GRIN2A: variants seen among roughly 807,000 people sequenced by gnomAD.
The protein encoded by GRIN2A is glutamate ionotropic receptor NMDA type subunit 2A.
A neutral mutation model predicts 113.4 loss-of-function variants in GRIN2A; 22 were observed. That is an observed-to-expected ratio of 0.19 (90% CI 0.14 to 0.28). The LOEUF is 0.28. Ranked by LOEUF, GRIN2A falls within the 10% of genes least tolerant of loss-of-function variation. The pLI is 1.00. For synonymous variants in GRIN2A, 827 were observed against 738.4 expected, an observed-to-expected ratio of 1.12 and a Z score of -1.94; for missense variants, 1,502 against 1,887.0, an observed-to-expected ratio of 0.80 and a Z score of 3.78.
chr16:9,754,852 G>C lies in GRIN2A; in HGVS notation c.*8297C>G, dbSNP rs1264121309. The C allele has an allele frequency of 4.5e-6, 1 of 223,740 alleles. No individual in the cohort carries two copies. The highest frequency in any genetic ancestry group is 2.2e-5 in the African/African-American group (1 of 44,812). The allele number at this position is 223,740 out of a possible 1,614,324, so 13.9% of individuals were successfully genotyped here. A position where few individuals can be genotyped will look rare whatever the true frequency, so the allele number is the denominator to read the frequency against. ...CTTTGCTCAGTTATCAATAGTCTTT[G>C]ATTTGAGCCCTTTAAAACTTGAAAC... On this transcript the variant is annotated 3_prime_UTR_variant, in exon 13 of 13. Coordinates refer to ENST00000330684, the MANE Select transcript of GRIN2A (RefSeq NM_001134407.3).
In GRIN2A at chr16:10,044,141, C is replaced by T. The variant is rs934021869; in HGVS notation, c.415-105590G>A. Among the ~76,000 whole-genome samples, 14 of 151,492 alleles carry T rather than the reference C, an allele frequency of 9.2e-5. No homozygotes were observed. In the South Asian group the frequency reaches 2.9e-3, roughly 32 times the overall value. On this transcript the variant is annotated intron_variant, in intron 2 of 12. Coordinates refer to ENST00000330684, the MANE Select transcript of GRIN2A (RefSeq NM_001134407.3). Reference sequence around the variant, plus strand: ...CAATCTCGGCTCACTGCAACCTCTGCCTCCCAGGTCCCGGTTCAAGCAATT... The same window carrying T: ...CAATCTCGGCTCACTGCAACCTCTGTCTCCCAGGTCCCGGTTCAAGCAATT...
chr16:9,980,580 A>G (rs1461294034), intron 2 of GRIN2A, among the ~76,000 whole-genome samples: 1 of 152,150 alleles, frequency 6.6e-6, no homozygotes, highest in African/African-American at 2.4e-5. Flanking sequence ...AAGACTTGGA[A>G]CCAACCCAAA....
chr16:9,993,730 T>G (rs1381876288), intron 2 of GRIN2A, among the ~76,000 whole-genome samples: 1 of 152,188 alleles, frequency 6.6e-6, no homozygotes, highest in East Asian at 1.9e-4. Context: ...CCAAAAACTC[T>G]GTCAGAGAGA....
intron 2 of GRIN2A, among the ~76,000 whole-genome samples, chr16:9,984,248 G>T (rs547664436): frequency 1.8e-3 from 271 of 150,902 alleles, no homozygotes; most frequent in African/African-American, 5.2e-3. Flanking sequence ...TTGCTGTTGA[G>T]TTCCTTGTAT....
At chr16:9,859,237 A>G (rs1041533528) in intron 4 of GRIN2A, among the ~76,000 whole-genome samples, 4 of 151,880 alleles carry the variant, frequency 2.6e-5, no homozygotes, top group South Asian at 4.2e-4. Context: ...ATACCTACAC[A>G]TATTCACAAT....
intron 4 of GRIN2A, among the ~76,000 whole-genome samples, chr16:9,872,124 A>C (rs1396710861): frequency 6.6e-6 from 1 of 152,208 alleles, no homozygotes; most frequent in African/African-American, 2.4e-5. Context: ...AGTAGCTTTA[A>C]TATCCTCACA....
intron 2 of GRIN2A, among the ~76,000 whole-genome samples, chr16:9,984,536 G>A (rs72774030): frequency 0.029 from 4,403 of 152,282 alleles, 98 homozygotes; most frequent in Non-Finnish European, 0.044. Flanking sequence ...TATATGGTGA[G>A]AGATAGATGC....
rs2141134775 is a variant in GRIN2A at position 9,764,419 on chromosome 16, C to T, written c.3125G>A (p.Arg1042Lys). Residue 1042 changes from arginine (R) to lysine (K), a missense_variant, in exon 13 of 13, where the codon AGG becomes AAG. Around this residue, in one of 7 missense-constraint regions of GRIN2A, gnomAD observed 832 missense variants for 789.7 expected, o/e 1.05. Coordinates refer to ENST00000330684, the MANE Select transcript of GRIN2A (RefSeq NM_001134407.3). ...SQRDEATAEN[R>K]THSLKSPRYL... Reference sequence around the variant, plus strand: ...CCTAGGGCTCTTTAGGGAGTGGGTCCTATTCTCTGCTGTTGCCTCATCCCT... The same window carrying T: ...CCTAGGGCTCTTTAGGGAGTGGGTCTTATTCTCTGCTGTTGCCTCATCCCT... 6.2e-7 allele frequency: 1 copy of T among 1,614,028 alleles called. No homozygotes were observed. Among genetic ancestry groups the T allele is most frequent in the Non-Finnish European group, 8.5e-7 (1 of 1,179,952 alleles).
At chr16:10,020,060 C>G (rs181732058) in intron 2 of GRIN2A, among the ~76,000 whole-genome samples, 212 of 152,278 alleles carry the variant, frequency 1.4e-3, no homozygotes, top group African/African-American at 3.8e-3. Context: ...GAATACAAAC[C>G]ACTTTATTTG....
At chr16:10,022,525 A>C (rs1777121463) in intron 2 of GRIN2A, among the ~76,000 whole-genome samples, 1 of 152,182 alleles carries the variant, frequency 6.6e-6, no homozygotes, top group Non-Finnish European at 1.5e-5. Context: ...ACATCCCTAC[A>C]ACATTTCATA....
intron 2 of GRIN2A, among the ~76,000 whole-genome samples, chr16:10,020,635 C>A (rs979183628): frequency 6.6e-6 from 1 of 152,072 alleles, no homozygotes; most frequent in Non-Finnish European, 1.5e-5. Context: ...CTATACGATA[C>A]AAGGTTAATT....
chr16:9,945,977 G>T (rs2045008560), intron 2 of GRIN2A, among the ~76,000 whole-genome samples: 1 of 152,144 alleles, frequency 6.6e-6, no homozygotes, highest in Admixed American at 6.5e-5. Flanking sequence ...AGTCCACAAT[G>T]CCAGAGGAAA....
At chr16:9,954,334 T>A (rs1163981434) in intron 2 of GRIN2A, among the ~76,000 whole-genome samples, 1 of 152,168 alleles carries the variant, frequency 6.6e-6, no homozygotes, top group Non-Finnish European at 1.5e-5. Flanking sequence ...GAAAATTAGA[T>A]GTGCACATGG....
intron 2 of GRIN2A, among the ~76,000 whole-genome samples, chr16:10,070,616 G>A (rs1202619476): frequency 6.6e-6 from 1 of 152,144 alleles, no homozygotes; most frequent in African/African-American, 2.4e-5. Context: ...ATATTTATAA[G>A]GTTTCCCTTC....
At chr16:10,071,384 A>T (rs1344760529) in intron 2 of GRIN2A, among the ~76,000 whole-genome samples, 1 of 152,244 alleles carries the variant, frequency 6.6e-6, no homozygotes, top group South Asian at 2.1e-4. Flanking sequence ...CTGTACTCTT[A>T]AAACTGCAAT....
intron 11 of GRIN2A, among the ~76,000 whole-genome samples, chr16:9,777,786 G>A (rs1401592330): frequency 6.6e-6 from 1 of 152,214 alleles, no homozygotes; most frequent in Non-Finnish European, 1.5e-5. Context: ...AACTCTGGCC[G>A]GGTGCAGTGG....
chr16:10,050,794 C>A (rs2047345980), intron 2 of GRIN2A, among the ~76,000 whole-genome samples: 2 of 152,136 alleles, frequency 1.3e-5, no homozygotes, highest in South Asian at 4.1e-4. Flanking sequence ...AGATTGAGGA[C>A]CACTGCTGTA....
Position 9,887,026 on chromosome 16 carries a change from T to G in GRIN2A, c.1122+3960A>C, listed in dbSNP as rs538683864. On this transcript the variant is annotated intron_variant, in intron 4 of 12. Transcript: ENST00000330684. Reference sequence around the variant, plus strand: ...CCTCAGCCTCCTGAGTAGCTGGGATTACAGGCACCACCACCATGCCGGGCT... The same window carrying G: ...CCTCAGCCTCCTGAGTAGCTGGGATGACAGGCACCACCACCATGCCGGGCT... Among the ~76,000 whole-genome samples, 6 of 152,196 alleles carry G rather than the reference T, an allele frequency of 3.9e-5. No homozygotes were observed. The South Asian group carries it at 1.2e-3, about 32-fold the overall frequency.
At chr16:9,991,475 T>C (rs1388370329) in intron 2 of GRIN2A, among the ~76,000 whole-genome samples, 1 of 152,222 alleles carries the variant, frequency 6.6e-6, no homozygotes, top group African/African-American at 2.4e-5. Flanking sequence ...AGTGGTGAAG[T>C]CTTGGCTTTT....
Sources: allele counts gnomAD v4.1 joint callset (sites outside exome capture counted in the v4.1 genomes callset), GRCh38; gene constraint gnomAD v4.1.1; regional missense constraint gnomAD v4.1.1; transcripts MANE v1.5; gene names NCBI Gene and HGNC (gene_info 2026-07-23, HGNC 2026-07-21).